The following MRPS9 variants were observed in gnomAD, a reference collection of about 807,000 sequenced individuals.
MRPS9 encodes the protein mitochondrial ribosomal protein S9, also known as small ribosomal subunit protein uS9m.
Under a neutral mutation model 59.9 loss-of-function variants are expected in MRPS9, and 45 were observed. The ratio of observed to expected loss-of-function variants is 0.75; its 90% CI spans 0.59 to 0.96. The LOEUF is 0.96. Ranked by LOEUF, MRPS9 falls within the 40% of genes least tolerant of loss-of-function variation. The pLI is 0.00. For synonymous variants in MRPS9, 171 were observed against 166.8 expected (o/e 1.03, Z -0.19); for missense variants, 473 against 481.1 (o/e 0.98, Z 0.16).
chr2:105,038,070 G>A lies in MRPS9; in HGVS notation c.-23G>A. ...TAGGCCCCGCCCCCTCACCCCTCCG[G>A]TCCTGGAGCTCCCACAGCTAACATG... On this transcript the variant is annotated 5_prime_UTR_variant, in exon 1 of 11. Coordinates refer to ENST00000258455, the MANE Select transcript of MRPS9 (RefSeq NM_182640.3). 1 of 1,612,584 alleles carries A rather than the reference G, an allele frequency of 6.2e-7. No homozygotes were observed. Among genetic ancestry groups the A allele is most frequent in the Non-Finnish European group, 8.5e-7 (1 of 1,179,760 alleles).
chr2:105,044,190 C>T lies in MRPS9; in HGVS notation c.136-4981C>T, dbSNP rs181502502. On this transcript the variant is annotated intron_variant, in intron 1 of 10. Transcript: ENST00000258455. Reference sequence around the variant, plus strand: ...ACAGTTGATCCGCCCACTTCGGCCTCCCAAAGTGCTGGGATTACAGGCATG... The same window carrying T: ...ACAGTTGATCCGCCCACTTCGGCCTTCCAAAGTGCTGGGATTACAGGCATG... 3.3e-3 allele frequency among the ~76,000 whole-genome samples: 508 copies of T among 152,246 alleles called. 5 individuals carry two copies. Among genetic ancestry groups the T allele is most frequent in the African/African-American group, 0.011 (472 of 41,536 alleles).
In MRPS9 at chr2:105,099,718, G is replaced by A; in HGVS notation, c.1148G>A (p.Gly383Asp). ...CGTGTGAGGGAACGGAAGAAGCCAG[G>A]CCAAGAGGGAGCCCGCAGAAAGTTT... ...DPRVRERKKP[G>D]QEGARRKFTW... The change falls in exon 11 of 11, where the codon GGC (glycine) becomes GAC (aspartate). Residue 383 changes from glycine (G) to aspartate (D), a missense_variant. Physicochemically the swap from Gly to Asp is moderately conservative, Grantham distance 94 (BLOSUM62 -1). Transcript: ENST00000258455. 6.2e-7 allele frequency: 1 copy of A among 1,614,164 alleles called. No homozygotes were observed. The highest frequency in any genetic ancestry group is 8.5e-7 in the Non-Finnish European group (1 of 1,180,038).
chr2:105,098,118 T>C (rs1446636705), intron 10 of MRPS9: 2 of 152,242 alleles, frequency 1.3e-5, no homozygotes, highest in Non-Finnish European at 2.9e-5. Flanking sequence ...TCTTTTACCC[T>C]ACTCTGTGTA....
Position 105,071,382 on chromosome 2 carries a change from A to G in MRPS9, c.378+7A>G, listed in dbSNP as rs1201931301. Reference sequence around the variant, plus strand: ...AGCCAGGCCAGTAATGAAGGTAGTTATCTTAATTACTATTTTAAAAATTTC... The same window carrying G: ...AGCCAGGCCAGTAATGAAGGTAGTTGTCTTAATTACTATTTTAAAAATTTC... On this transcript the variant is annotated splice_region_variant and intron_variant, in intron 3 of 10. Transcript: ENST00000258455. The G allele has an allele frequency of 1.2e-6, 2 of 1,606,290 alleles. No individual in the cohort carries two copies. Among genetic ancestry groups the G allele is most frequent in the East Asian group, 2.2e-5 (1 of 44,736 alleles).
intron 2 of MRPS9, among the ~76,000 whole-genome samples, chr2:105,063,549 C>G (rs531761881): frequency 2.0e-4 from 31 of 152,256 alleles, no homozygotes; most frequent in African/African-American, 7.0e-4. Context: ...GCTATATTTG[C>G]TTCAACTGTA....
chr2:105,080,112 CTAAT>C lies in MRPS9; in HGVS notation c.489+53_489+56del, dbSNP rs751919229. 25 of 1,300,040 alleles carry C rather than the reference CTAAT, an allele frequency of 1.9e-5. No homozygotes were observed. The African/African-American group carries it at 2.5e-4, about 13-fold the overall frequency. 80.5% of individuals were successfully genotyped at this position (1,300,040 alleles called of 1,614,324 possible). The stretch of plus-strand genomic sequence containing the variant: ...ATAATATGAGCTGTAAGCTACAAAA[CTAAT>C]TATACTGGATACTGTTCGCAGCTTC... On this transcript the variant is annotated intron_variant, in intron 5 of 10. Transcript: ENST00000258455.
chr2:105,063,828 G>T (rs1403299250), intron 2 of MRPS9, among the ~76,000 whole-genome samples: 1 of 152,142 alleles, frequency 6.6e-6, no homozygotes, highest in Non-Finnish European at 1.5e-5. Flanking sequence ...TTTGGTTGTT[G>T]ATTTATTCTT....
Position 105,072,761 on chromosome 2 carries a change from CAT to C in MRPS9, c.409+1275_409+1276del, listed in dbSNP as rs571581032. 1.1e-4 allele frequency among the ~76,000 whole-genome samples: 16 copies of C among 152,236 alleles called. 1 individual carries two copies. The South Asian group carries it at 3.3e-3, about 32-fold the overall frequency. ...TTTTGCAGTGGTATTTCTGCTAAGT[CAT>C]ATTTTTATTCAAAGCTAGGCATTTA... is the stretch of plus-strand genomic sequence containing the variant. On this transcript the variant is annotated intron_variant, in intron 4 of 10. Coordinates refer to ENST00000258455, the MANE Select transcript of MRPS9 (RefSeq NM_182640.3).
chr2:105,078,315 AGTGTGTGTGTGT>A (rs71250682), intron 4 of MRPS9, among the ~76,000 whole-genome samples: 1 of 147,356 alleles, frequency 6.8e-6, no homozygotes, highest in Non-Finnish European at 1.5e-5. Flanking sequence ...GGTGAAGTCA[AGTGTGTGTGTGT>A]GTGTGTGTGT....
intron 2 of MRPS9, 88 bp from the exon 3 acceptor site, chr2:105,071,225 T>C: frequency 3.1e-6 from 3 of 977,560 alleles, no homozygotes; most frequent in East Asian, 2.5e-5. Context: ...TCTAGTTCAA[T>C]GTCCAGCATA....
intron 10 of MRPS9, chr2:105,098,410 G>A (rs1328453220): frequency 6.6e-6 from 1 of 152,168 alleles, no homozygotes; most frequent in South Asian, 2.1e-4. Flanking sequence ...AGCCGCTGAG[G>A]TTCAATAAAA....
chr2:105,063,591 T>C (rs1679944011), intron 2 of MRPS9, among the ~76,000 whole-genome samples: 1 of 152,220 alleles, frequency 6.6e-6, no homozygotes, highest in Non-Finnish European at 1.5e-5. Flanking sequence ...TATTTTAAAG[T>C]AAAATACAAT....
rs369822606 is a variant in MRPS9 at position 105,097,118 on chromosome 2, A to G, written c.930-37A>G. On this transcript the variant is annotated intron_variant, in intron 9 of 10. Transcript: ENST00000258455. ...TGTTTACATAATTATGTATCTTTAT[A>G]GTAAACGTAACCACATTTACTTGTG... is the stretch of plus-strand genomic sequence containing the variant. 1.6e-4 allele frequency: 225 copies of G among 1,432,788 alleles called. 1 individual carries two copies. The highest frequency in any genetic ancestry group is 3.8e-4 in the Middle Eastern group (2 of 5,328). 88.8% of individuals were successfully genotyped at this position (1,432,788 alleles called of 1,614,324 possible). A position where few individuals can be genotyped will look rare whatever the true frequency, so the allele number is the denominator to read the frequency against.
intron 2 of MRPS9, 30 bp downstream of exon 2, chr2:105,049,380 A>G: frequency 6.3e-7 from 1 of 1,579,122 alleles, no homozygotes; most frequent in Non-Finnish European, 8.6e-7. Context: ...TGAAAAAGTA[A>G]TTGCTGTAGA....
chr2:105,058,678 CTT>C (rs748204542), intron 2 of MRPS9, among the ~76,000 whole-genome samples: 7 of 142,146 alleles, frequency 4.9e-5, no homozygotes, highest in Admixed American at 1.4e-4. Flanking sequence ...TAATGAGTTT[CTT>C]TTTTTTTTTT....
chr2:105,068,015 G>A (rs11900851), intron 2 of MRPS9, among the ~76,000 whole-genome samples: 30,230 of 151,972 alleles, frequency 0.2, 3,140 homozygotes, highest in Middle Eastern at 0.35. Flanking sequence ...GTAGAGATGG[G>A]ATCTCAGTAT....
intron 2 of MRPS9, among the ~76,000 whole-genome samples, chr2:105,059,286 G>A (rs1043341751): frequency 1.3e-5 from 2 of 152,122 alleles, no homozygotes; most frequent in East Asian, 3.8e-4. Flanking sequence ...TCTTCTGAGT[G>A]AATTTAAAAC....
chr2:105,046,746 C>T (rs1287612274), intron 1 of MRPS9, among the ~76,000 whole-genome samples: 1 of 151,896 alleles, frequency 6.6e-6, no homozygotes, highest in Non-Finnish European at 1.5e-5. Context: ...GTGGGTTCAC[C>T]TGTATTAGGG....
At chr2:105,059,987 T>A in intron 2 of MRPS9, among the ~76,000 whole-genome samples, 1 of 143,132 alleles carries the variant, frequency 7.0e-6, no homozygotes. Flanking sequence ...CTAATATAGA[T>A]GTTTCTGAAT....
Sources: allele counts gnomAD v4.1 joint callset (sites outside exome capture counted in the v4.1 genomes callset), GRCh38; gene constraint gnomAD v4.1.1; transcripts MANE v1.5; gene names NCBI Gene and HGNC (gene_info 2026-07-23, HGNC 2026-07-21).